MED12L: variants seen among roughly 807,000 people sequenced by gnomAD.
MED12L encodes the protein mediator of RNA polymerase II transcription subunit 12-like protein.
MED12L carries 60 observed loss-of-function variants against 281.3 expected under a neutral mutation model. The observed-to-expected ratio is 0.21, with a 90% confidence interval of 0.17 to 0.26. The LOEUF (loss-of-function observed/expected upper bound fraction) is 0.26, where lower values mean the gene tolerates loss of function less well. MED12L is among the 10% of genes least tolerant of loss of function. The probability of loss-of-function intolerance (pLI) is 1.00; values close to 1 mark genes in which losing one functional copy is unlikely to be tolerated. For missense variants in MED12L, 2,146 were observed against 2,680.9 expected (o/e 0.80, Z 4.41); for synonymous variants, 974 against 987.2 (o/e 0.99, Z 0.25).
intron 16 of MED12L, among the ~76,000 whole-genome samples, chr3:151,342,768 A>T (rs1752032961): frequency 6.6e-6 from 1 of 152,224 alleles, no homozygotes; most frequent in Non-Finnish European, 1.5e-5. Flanking sequence ...ATTGTAAACA[A>T]ATCTTAGCCT....
intron 8 of MED12L, among the ~76,000 whole-genome samples, chr3:151,162,527 C>A (rs540768213): frequency 6.6e-6 from 1 of 152,044 alleles, no homozygotes; most frequent in Non-Finnish European, 1.5e-5. Context: ...AGTGATCCTC[C>A]TGCCTCAAGT....
At chr3:151,293,340 A>G (rs1326695165) in intron 16 of MED12L, among the ~76,000 whole-genome samples, 5 of 152,170 alleles carry the variant, frequency 3.3e-5, no homozygotes, top group African/African-American at 1.2e-4. Flanking sequence ...TTAGTCAGCA[A>G]ACACGCCTTC....
At position 151,246,352 on chromosome 3, in the gene MED12L, G is replaced by A. The variant is rs1196189448; in HGVS notation, c.2250+52686G>A. 4.2e-3 allele frequency among the ~76,000 whole-genome samples: 643 copies of A among 151,624 alleles called. 8 individuals are homozygous for A. Among genetic ancestry groups the A allele is most frequent in the African/African-American group, 0.014 (587 of 41,114 alleles). ...AAAAGAACAAAGCTGGAGGCATCAC[G>A]CTACCTGACTTCAAACTATACTACA... is the stretch of plus-strand genomic sequence containing the variant. On this transcript the variant is annotated intron_variant, in intron 16 of 44. Coordinates refer to ENST00000687756, the MANE Select transcript of MED12L (RefSeq NM_001393769.1).
rs1246314502 is a variant in MED12L at position 151,104,990 on chromosome 3, A to G, written c.100-11348A>G. 2.6e-5 allele frequency among the ~76,000 whole-genome samples: 4 copies of G among 152,236 alleles called. No homozygotes were observed. In the East Asian group the frequency reaches 5.8e-4, roughly 22 times the overall value. On this transcript the variant is annotated intron_variant, in intron 2 of 44. Coordinates refer to ENST00000687756, the MANE Select transcript of MED12L (RefSeq NM_001393769.1). ...ACTTGGTCCTATCCACAGAAACCCTATTTCCAAAGAATGTCCCATGCACAG... is the reference window on the plus strand; with the variant it reads ...ACTTGGTCCTATCCACAGAAACCCTGTTTCCAAAGAATGTCCCATGCACAG...
chr3:151,101,801 G>A (rs969392234), intron 2 of MED12L, among the ~76,000 whole-genome samples: 2 of 152,156 alleles, frequency 1.3e-5, no homozygotes, highest in East Asian at 3.9e-4. Flanking sequence ...CAGTGGAGTC[G>A]GAGAGGCTGG....
At position 151,234,670 on chromosome 3, in the gene MED12L, A is replaced by T. The variant is rs145617717; in HGVS notation, c.2250+41004A>T. Among the ~76,000 whole-genome samples the T allele has an allele frequency of 2.0e-3, 308 of 152,352 alleles. 2 individuals carry two copies. Among genetic ancestry groups the T allele is most frequent in the African/African-American group, 7.3e-3 (305 of 41,590 alleles). On this transcript the variant is annotated intron_variant, in intron 16 of 44. Coordinates refer to ENST00000687756, the MANE Select transcript of MED12L (RefSeq NM_001393769.1). ...CAGATATGGTAATCAGAGCCCCTAC[A>T]ACTAGGACCCAACCATTCGAAGCCT...
intron 5 of MED12L, among the ~76,000 whole-genome samples, chr3:151,153,659 C>T (rs1446041586): frequency 7.1e-6 from 1 of 141,166 alleles, no homozygotes; most frequent in South Asian, 2.3e-4. Context: ...ACCTCTGCCT[C>T]CCAGCTTCAA....
intron 16 of MED12L, among the ~76,000 whole-genome samples, chr3:151,263,948 T>C (rs1305181303): frequency 6.6e-6 from 1 of 152,230 alleles, no homozygotes; most frequent in Non-Finnish European, 1.5e-5. Flanking sequence ...GAAAGGCAGA[T>C]AACGATGGAC....
At chr3:151,383,081 C>A (rs576278453) in intron 33 of MED12L, among the ~76,000 whole-genome samples, 1 of 152,204 alleles carries the variant, frequency 6.6e-6, no homozygotes, top group African/African-American at 2.4e-5. Flanking sequence ...TTACTTAAAA[C>A]CATTTAAAAA....
chr3:151,093,342 A>C (rs912340148), intron 2 of MED12L, among the ~76,000 whole-genome samples: 1 of 152,172 alleles, frequency 6.6e-6, no homozygotes, highest in Non-Finnish European at 1.5e-5. Flanking sequence ...TCTACCCCAG[A>C]AATGCTGAGT....
chr3:151,348,569 G>A (rs530985493), intron 16 of MED12L, among the ~76,000 whole-genome samples: 1 of 149,890 alleles, frequency 6.7e-6, no homozygotes, highest in African/African-American at 2.5e-5. Flanking sequence ...CTCGCTCCTA[G>A]CTTCTTTTTT....
At chr3:151,190,361 G>T (rs530466110) in intron 13 of MED12L, among the ~76,000 whole-genome samples, 1 of 151,906 alleles carries the variant, frequency 6.6e-6, no homozygotes, top group Non-Finnish European at 1.5e-5. Flanking sequence ...TGGTAGAGAC[G>T]GGGTTTCACC....
chr3:151,270,242 T>TGTGTGTGTGTGTGTGTGTGTGTGTGTG (rs1553764758), intron 16 of MED12L: 2 of 155,076 alleles, frequency 1.3e-5, no homozygotes, highest in African/African-American at 2.5e-5. Context: ...TGTGTGTGTG[T>TGTGTGTGTGTGTGTGTGTGTGTGTGTG]TTTCTTTTGG....
At chr3:151,413,573 G>C (rs1324348115) in intron 42 of MED12L, among the ~76,000 whole-genome samples, 1 of 152,284 alleles carries the variant, frequency 6.6e-6, no homozygotes, top group East Asian at 1.9e-4. Context: ...GCCTTTAATA[G>C]AGTTGGCCTC....
In MED12L at chr3:151,190,876, C is replaced by T. The variant is rs765172790; in HGVS notation, c.1913C>T (p.Pro638Leu). 5 of 1,614,074 alleles carry T rather than the reference C, an allele frequency of 3.1e-6. No homozygotes were observed. The highest frequency in any genetic ancestry group is 3.4e-6 in the Non-Finnish European group (4 of 1,180,030). ...SVTASTRPRS[P>L]VGENADEHYS... ...ACTGCCTCAACTCGGCCGCGGTCACCAGTAGGGGAAAATGCAGATGAACAC... is the reference window on the plus strand; with the variant it reads ...ACTGCCTCAACTCGGCCGCGGTCACTAGTAGGGGAAAATGCAGATGAACAC... The change falls in exon 14 of 45, where the codon CCA becomes CTA. Residue 638 changes from proline to leucine, a missense_variant. Physicochemically the swap from Pro to Leu is moderately conservative, Grantham distance 98 (BLOSUM62 -3). Transcript: ENST00000687756.
chr3:151,118,638 A>G lies in MED12L; in HGVS notation c.204+2196A>G, dbSNP rs990166464. Among the ~76,000 whole-genome samples the G allele has an allele frequency of 3.4e-5, 5 of 145,962 alleles. No homozygotes were observed. In the Admixed American group the frequency reaches 3.4e-4, roughly 10 times the overall value. On this transcript the variant is annotated intron_variant, in intron 3 of 44. Coordinates refer to ENST00000687756, the MANE Select transcript of MED12L (RefSeq NM_001393769.1). The stretch of plus-strand genomic sequence containing the variant: ...CAAACATCAACCATTGTCACTATCC[A>G]TCTCCAGAACTTTTTTTTTTTTTTT...
At chr3:151,409,954 AAAAT>A (rs1295954299) in intron 40 of MED12L, among the ~76,000 whole-genome samples, 1 of 152,180 alleles carries the variant, frequency 6.6e-6, no homozygotes, top group Non-Finnish European at 1.5e-5. Flanking sequence ...ACCCTGTCTC[AAAAT>A]AAATAAATAA....
chr3:151,275,113 C>G lies in MED12L; in HGVS notation c.2251-74946C>G, dbSNP rs62283015. 4.9e-3 allele frequency among the ~76,000 whole-genome samples: 752 copies of G among 152,162 alleles called. 3 individuals are homozygous for G. Among genetic ancestry groups the G allele is most frequent in the Admixed American group, 6.5e-3 (99 of 15,278 alleles). On this transcript the variant is annotated intron_variant, in intron 16 of 44. Transcript: ENST00000687756. ...CTATAGAAGGTGGCACATTTCCCAT[C>G]TGCTTGGTATAAATGGCTCCTAGAG...
At chr3:151,247,484 T>C (rs1305288991) in intron 16 of MED12L, among the ~76,000 whole-genome samples, 3 of 151,268 alleles carry the variant, frequency 2.0e-5, no homozygotes, top group African/African-American at 4.8e-5. Flanking sequence ...AAATTGGAAA[T>C]CATCATTCTC....
Sources: allele counts gnomAD v4.1 joint callset (sites outside exome capture counted in the v4.1 genomes callset), GRCh38; gene constraint gnomAD v4.1.1; transcripts MANE v1.5; gene names NCBI Gene and HGNC (gene_info 2026-07-23, HGNC 2026-07-21).